The following RSRC1 variants were observed in gnomAD, a reference collection of about 807,000 sequenced individuals.
The protein encoded by RSRC1 is serine/Arginine-related protein 53.
RSRC1 carries 39 observed loss-of-function variants against 49.1 expected under a neutral mutation model. The observed-to-expected ratio is 0.79, with a 90% CI of 0.61 to 1.04. The LOEUF (loss-of-function observed/expected upper bound fraction) is 1.04. RSRC1 is among the 50% of genes least tolerant of loss of function. The pLI, the probability that RSRC1 is intolerant of heterozygous loss-of-function variation, is 0.00. For synonymous variants in RSRC1, 143 were observed against 130.8 expected (o/e 1.09, Z -0.63); for missense variants, 388 against 402.4 (o/e 0.96, Z 0.31).
At chr3:158,179,136 T>A (rs1559931336) in intron 3 of RSRC1, among the ~76,000 whole-genome samples, 1 of 152,252 alleles carries the variant, frequency 6.6e-6, no homozygotes, top group Non-Finnish European at 1.5e-5. Context: ...TCTTGTCTAG[T>A]TGAATTGGCT....
chr3:158,209,862 A>G (rs548833270), intron 4 of RSRC1, among the ~76,000 whole-genome samples: 1 of 152,306 alleles, frequency 6.6e-6, no homozygotes, highest in African/African-American at 2.4e-5. Flanking sequence ...TGTGAATAAG[A>G]AAACTAGTAC....
chr3:158,142,137 A>G (rs921644938), intron 3 of RSRC1, among the ~76,000 whole-genome samples: 1 of 152,180 alleles, frequency 6.6e-6, no homozygotes, highest in South Asian at 2.1e-4. Context: ...TTCTCCTACC[A>G]TGAGGATTTT....
intron 6 of RSRC1, among the ~76,000 whole-genome samples, chr3:158,444,776 T>C (rs1421324111): frequency 6.6e-6 from 1 of 151,958 alleles, no homozygotes; most frequent in East Asian, 1.9e-4. Context: ...AGGGCTAATA[T>C]CCAGAATCTA....
chr3:158,441,872 TTAGGGAATA>T (rs1736395805), intron 6 of RSRC1, among the ~76,000 whole-genome samples: 1 of 152,114 alleles, frequency 6.6e-6, no homozygotes, highest in East Asian at 1.9e-4. Flanking sequence ...AACTCAAGAT[TTAGGGAATA>T]TACAGGCATA....
chr3:158,441,419 A>G (rs903673408), intron 6 of RSRC1, among the ~76,000 whole-genome samples: 5 of 152,042 alleles, frequency 3.3e-5, no homozygotes, highest in African/African-American at 9.7e-5. Context: ...AGAAAGAACC[A>G]AACACCCAAG....
In RSRC1 at chr3:158,254,010, G is replaced by T. The variant is rs182447084; in HGVS notation, c.495-44029G>T. On this transcript the variant is annotated intron_variant, in intron 4 of 9. Coordinates refer to ENST00000611884, the MANE Select transcript of RSRC1 (RefSeq NM_001271838.2). ...AATTCCCAACTGTAAGTGAGAACGT[G>T]CAGTGTTTGGTTTTCTGTCCTTGTG... 1.8e-4 allele frequency among the ~76,000 whole-genome samples: 27 copies of T among 152,260 alleles called. No homozygotes were observed. In the East Asian group the frequency reaches 2.9e-3, roughly 16 times the overall value.
At chr3:158,170,307 C>CTTTTTTTTTTTTTTTTTTTTTTTTTTTT (rs11400606) in intron 3 of RSRC1, among the ~76,000 whole-genome samples, 1 of 143,186 alleles carries the variant, frequency 7.0e-6, no homozygotes, top group Admixed American at 6.9e-5. Context: ...TCTGGTCTGC[C>CTTTTTTTTTTTTTTTTTTTTTTTTTTTT]TTTTTTTTTT....
intron 4 of RSRC1, among the ~76,000 whole-genome samples, chr3:158,266,979 G>T (rs986277257): frequency 6.6e-6 from 1 of 152,170 alleles, no homozygotes; most frequent in Non-Finnish European, 1.5e-5. Context: ...GCGCAGGCTG[G>T]TCTCAAACCC....
chr3:158,242,754 G>A (rs767199857), intron 4 of RSRC1, among the ~76,000 whole-genome samples: 37 of 151,760 alleles, frequency 2.4e-4, no homozygotes, highest in Non-Finnish European at 3.7e-4. Flanking sequence ...TATTCTAACT[G>A]GTATGAGATG....
intron 5 of RSRC1, among the ~76,000 whole-genome samples, chr3:158,321,521 A>G (rs1728759761): frequency 6.7e-6 from 1 of 150,302 alleles, no homozygotes; most frequent in Admixed American, 6.6e-5. Context: ...TTTTAATGCT[A>G]CCATTTTGAT....
chr3:158,244,453 G>A (rs1457765421), intron 4 of RSRC1, among the ~76,000 whole-genome samples: 1 of 152,160 alleles, frequency 6.6e-6, no homozygotes, highest in Non-Finnish European at 1.5e-5. Context: ...AACCAGCCTT[G>A]CATGCCAGGG....
intron 7 of RSRC1, among the ~76,000 whole-genome samples, chr3:158,513,345 A>G (rs565487445): frequency 6.6e-6 from 1 of 152,148 alleles, no homozygotes; most frequent in Non-Finnish European, 1.5e-5. Context: ...AATTTTGTCA[A>G]AGGCCTTTTC....
chr3:158,207,871 G>A (rs2108284781), intron 4 of RSRC1, among the ~76,000 whole-genome samples: 1 of 152,168 alleles, frequency 6.6e-6, no homozygotes. Context: ...AAAAAAATGC[G>A]AGATCAGATA....
chr3:158,143,947 T>G (rs1165635764), intron 3 of RSRC1, among the ~76,000 whole-genome samples: 1 of 152,200 alleles, frequency 6.6e-6, no homozygotes, highest in Non-Finnish European at 1.5e-5. Context: ...TGAATTGGTG[T>G]TGTTACACTT....
chr3:158,409,129 A>G (rs1387313439), intron 6 of RSRC1, among the ~76,000 whole-genome samples: 1 of 152,040 alleles, frequency 6.6e-6, no homozygotes, highest in East Asian at 1.9e-4. Flanking sequence ...ACTGGGGCCT[A>G]TTGGAAGGTG....
intron 3 of RSRC1, among the ~76,000 whole-genome samples, chr3:158,164,844 A>G (rs1006152015): frequency 2.6e-5 from 4 of 152,148 alleles, no homozygotes; most frequent in African/African-American, 9.6e-5. Context: ...ATTCACTTGG[A>G]TATAGTACTT....
intron 7 of RSRC1, among the ~76,000 whole-genome samples, chr3:158,497,922 G>GTA (rs963986106): frequency 9.9e-5 from 15 of 152,096 alleles, no homozygotes; most frequent in East Asian, 5.8e-4. Context: ...CATCGTGTGT[G>GTA]TATATATATA....
chr3:158,423,711 A>C (rs1440727556), intron 6 of RSRC1, among the ~76,000 whole-genome samples: 1 of 152,330 alleles, frequency 6.6e-6, no homozygotes, highest in East Asian at 1.9e-4. Flanking sequence ...ACCAATGAGC[A>C]TGGAATGTTC....
At chr3:158,242,298 C>G (rs1426447744) in intron 4 of RSRC1, among the ~76,000 whole-genome samples, 1 of 151,920 alleles carries the variant, frequency 6.6e-6, no homozygotes, top group Non-Finnish European at 1.5e-5. Context: ...TGAGAACATG[C>G]GATATTTGGT....
Sources: gnomAD v4.1 joint callset for allele counts (sites outside exome capture counted in the v4.1 genomes callset) on GRCh38, gnomAD v4.1.1 for gene constraint, MANE v1.5 for transcripts, NCBI Gene and HGNC (gene_info 2026-07-23, HGNC 2026-07-21) for gene names.